The following CLVS1 variants were observed in gnomAD, a reference collection of about 807,000 sequenced individuals.
The protein encoded by CLVS1 is clavesin-1.
CLVS1 carries 10 observed loss-of-function variants against 33.1 expected under a neutral mutation model. The observed-to-expected ratio is 0.30, with a 90% confidence interval of 0.19 to 0.51. The LOEUF (loss-of-function observed/expected upper bound fraction) is 0.51, where lower values mean the gene tolerates loss of function less well. Among genes scored for constraint, CLVS1 ranks in the 20% least tolerant of loss-of-function variants. The pLI is 0.97. For missense variants in CLVS1, 343 were observed against 433.4 expected (o/e 0.79, Z 1.85); for synonymous variants, 163 against 166.1 (o/e 0.98, Z 0.14).
intron 2 of CLVS1, among the ~76,000 whole-genome samples, chr8:61,280,799 T>C (rs1809655032): frequency 6.6e-6 from 1 of 152,150 alleles, no homozygotes; most frequent in African/African-American, 2.4e-5. Context: ...ATTTTTTTTG[T>C]GTATTTTTTG....
intron 1 of CLVS1, among the ~76,000 whole-genome samples, chr8:61,131,210 AT>A (rs1225169519): frequency 6.6e-6 from 1 of 152,142 alleles, no homozygotes; most frequent in African/African-American, 2.4e-5. Flanking sequence ...TTCACAAAGG[AT>A]TTTGAGACAA....
intron 2 of CLVS1, among the ~76,000 whole-genome samples, chr8:61,372,236 A>T (rs1813472100): frequency 6.6e-6 from 1 of 152,188 alleles, no homozygotes. Context: ...AATGTAAATG[A>T]TTTGGTAGAA....
chr8:61,470,896 C>T (rs148858814), intron 5 of CLVS1, among the ~76,000 whole-genome samples: 1 of 152,290 alleles, frequency 6.6e-6, no homozygotes, highest in African/African-American at 2.4e-5. Flanking sequence ...TCGAGCATTT[C>T]ATTGGAAACT....
At chr8:61,301,709 C>T (rs568643167) in intron 2 of CLVS1, among the ~76,000 whole-genome samples, 40 of 152,190 alleles carry the variant, frequency 2.6e-4, no homozygotes, top group African/African-American at 7.9e-4. Context: ...CTAGTGAATA[C>T]GGAGTGGGAG....
At chr8:61,458,573 CA>C (rs761822631) in intron 5 of CLVS1, 31 bp downstream of exon 5, 2 of 1,400,312 alleles carry the variant, frequency 1.4e-6, no homozygotes, top group Non-Finnish European at 1.9e-6. Context: ...GCCCCCCCCC[CA>C]GTCAGAGGTC....
the CLVS1 span, among the ~76,000 whole-genome samples, chr8:60,965,041 CTTTTTT>C: frequency 6.6e-6 from 1 of 151,156 alleles, no homozygotes; most frequent in African/African-American, 2.4e-5. Flanking sequence ...TTTTCTTTTT[CTTTTTT>C]TTTGAGTTGC....
At chr8:61,076,078 C>T (rs141349949) in intron 1 of CLVS1, among the ~76,000 whole-genome samples, 4 of 152,280 alleles carry the variant, frequency 2.6e-5, no homozygotes, top group African/African-American at 9.6e-5. Context: ...CCTGGCATGA[C>T]TCAAAAGAAA....
intron 2 of CLVS1, among the ~76,000 whole-genome samples, chr8:61,212,492 T>A (rs891330050): frequency 1.1e-4 from 17 of 151,886 alleles, no homozygotes; most frequent in Non-Finnish European, 4.4e-5. Context: ...TCCCAAGAGA[T>A]CCTGACGACA....
chr8:61,332,721 A>G (rs1811645403), intron 2 of CLVS1, among the ~76,000 whole-genome samples: 1 of 152,006 alleles, frequency 6.6e-6, no homozygotes, highest in Admixed American at 6.6e-5. Flanking sequence ...GCTCACTGCA[A>G]CCTCTGCCTC....
chr8:61,085,491 T>G (rs1805100391), intron 1 of CLVS1, among the ~76,000 whole-genome samples: 2 of 152,066 alleles, frequency 1.3e-5, no homozygotes, highest in African/African-American at 4.8e-5. Flanking sequence ...CAATCTATGA[T>G]TAGAAGACTA....
chr8:61,386,722 T>C (rs1814099508), intron 3 of CLVS1, among the ~76,000 whole-genome samples: 1 of 152,218 alleles, frequency 6.6e-6, no homozygotes, highest in Admixed American at 6.5e-5. Context: ...AGCTCATTTT[T>C]TCTAGTCTAC....
intron 3 of CLVS1, among the ~76,000 whole-genome samples, chr8:61,409,974 TCTTAA>T (rs1021153183): frequency 2.0e-5 from 3 of 151,966 alleles, no homozygotes; most frequent in African/African-American, 7.3e-5. Flanking sequence ...ATTATGTTTT[TCTTAA>T]CTTATATTAA....
intron 2 of CLVS1, among the ~76,000 whole-genome samples, chr8:61,156,406 G>A (rs1806650534): frequency 6.6e-6 from 1 of 151,904 alleles, no homozygotes; most frequent in Non-Finnish European, 1.5e-5. Flanking sequence ...CCATGTGCAT[G>A]TTAATAAATT....
At chr8:61,339,944 GA>G (rs1194570928) in intron 2 of CLVS1, among the ~76,000 whole-genome samples, 2 of 150,168 alleles carry the variant, frequency 1.3e-5, no homozygotes, top group Admixed American at 6.6e-5. Context: ...AAAAGAAAGA[GA>G]GGGGTAAAGG....
At chr8:61,417,476 G>T (rs183924053) in intron 3 of CLVS1, among the ~76,000 whole-genome samples, 127 of 152,248 alleles carry the variant, frequency 8.3e-4, no homozygotes, top group African/African-American at 2.8e-3. Flanking sequence ...AAGTGCCAAA[G>T]TTTTCTGGCT....
intron 2 of CLVS1, among the ~76,000 whole-genome samples, chr8:61,153,162 C>T (rs1806576185): frequency 6.6e-6 from 1 of 152,154 alleles, no homozygotes; most frequent in Non-Finnish European, 1.5e-5. Flanking sequence ...ATAAATAGTA[C>T]TAACCATCAA....
At chr8:61,284,073 A>G (rs946322366), upstream of CLVS1, among the ~76,000 whole-genome samples, 1 of 152,276 alleles carries the variant, frequency 6.6e-6, no homozygotes, top group Admixed American at 6.5e-5. Flanking sequence ...GTGGCAACAT[A>G]GATAAACCTG....
intron 2 of CLVS1, among the ~76,000 whole-genome samples, chr8:61,255,387 G>A (rs1057034898): frequency 3.9e-5 from 6 of 152,072 alleles, no homozygotes; most frequent in African/African-American, 1.2e-4. Context: ...ATCAGCAAAT[G>A]TTTACTAATC....
chr8:61,014,085 GTT>G, the CLVS1 span, among the ~76,000 whole-genome samples: 2,335 of 126,788 alleles, frequency 0.018, 24 homozygotes, highest in African/African-American at 0.03. Context: ...ACTTTTTAGT[GTT>G]TTTTTTTTTT....
Sources: allele counts gnomAD v4.1 joint callset (sites outside exome capture counted in the v4.1 genomes callset), GRCh38; gene constraint gnomAD v4.1.1; transcripts MANE v1.5; gene names NCBI Gene and HGNC (gene_info 2026-07-23, HGNC 2026-07-21).